EFHC2: variants seen among roughly 807,000 people sequenced by gnomAD.
The protein encoded by EFHC2 is EF-hand domain-containing family member C2.
EFHC2 carries 18 observed loss-of-function variants against 52.7 expected under a neutral mutation model. That is an observed-to-expected ratio of 0.34 (90% confidence interval 0.24 to 0.51). The LOEUF is 0.51. EFHC2 is among the 20% of genes least tolerant of loss of function. EFHC2 has a pLI of 0.97. For synonymous variants in EFHC2, 203 were observed against 204.1 expected, an observed-to-expected ratio of 0.99 and a Z score of 0.04; for missense variants, 513 against 562.5, an observed-to-expected ratio of 0.91 and a Z score of 0.89.
intron 1 of EFHC2, among the ~76,000 whole-genome samples, chrX:44,316,743 G>A (rs956487844): frequency 2.7e-5 from 3 of 111,478 alleles, no homozygotes; most frequent in Non-Finnish European, 5.6e-5. Flanking sequence ...TCATATAAGG[G>A]TCTATTATAT....
At chrX:44,277,103 C>T (rs752813939) in intron 2 of EFHC2, among the ~76,000 whole-genome samples, 3 of 109,728 alleles carry the variant, frequency 2.7e-5, no homozygotes, top group African/African-American at 1.0e-4. Flanking sequence ...ACTAAAAATA[C>T]AAAAAATTAG....
At chrX:44,169,117 G>T (rs1282763279) in intron 13 of EFHC2, among the ~76,000 whole-genome samples, 1 of 111,444 alleles carries the variant, frequency 9.0e-6, no homozygotes, top group Non-Finnish European at 1.9e-5. Context: ...TGAAAAACGT[G>T]CTCTTGGAAT....
At chrX:44,204,963 T>A (rs2037036015) in intron 11 of EFHC2, among the ~76,000 whole-genome samples, 1 of 110,530 alleles carries the variant, frequency 9.0e-6, no homozygotes, top group Admixed American at 9.6e-5. Context: ...TAAGGAAAAA[T>A]TTTAAAAGCA....
chrX:44,234,733 G>T (rs1377573948), intron 9 of EFHC2, among the ~76,000 whole-genome samples: 1 of 111,771 alleles, frequency 8.9e-6, no homozygotes, highest in Non-Finnish European at 1.9e-5. Context: ...GCCATGATTG[G>T]GCAAGTCAAT....
At chrX:44,278,471 G>A (rs1019657736) in intron 2 of EFHC2, among the ~76,000 whole-genome samples, 1 of 112,105 alleles carries the variant, frequency 8.9e-6, no homozygotes, top group South Asian at 3.7e-4. Flanking sequence ...AGCTACTGAT[G>A]GGGTTCAGGA....
chrX:44,169,574 C>G (rs1291346445), intron 13 of EFHC2, among the ~76,000 whole-genome samples: 1 of 110,904 alleles, frequency 9.0e-6, no homozygotes, highest in Non-Finnish European at 1.9e-5. Flanking sequence ...CCACACCTGG[C>G]CTTAAAATCT....
chrX:44,220,733 G>T (rs1886352573), intron 11 of EFHC2, among the ~76,000 whole-genome samples: 1 of 111,727 alleles, frequency 9.0e-6, no homozygotes, highest in East Asian at 2.8e-4. Flanking sequence ...CCCTATTGTT[G>T]GGCATTTTAT....
chrX:44,340,037 C>T (rs762056935), intron 1 of EFHC2, among the ~76,000 whole-genome samples: 65 of 111,023 alleles, frequency 5.9e-4, no homozygotes, highest in Non-Finnish European at 9.6e-4. Context: ...TACACACATG[C>T]ACGCACACAC....
intron 4 of EFHC2, among the ~76,000 whole-genome samples, chrX:44,257,877 T>G (rs1347169056): frequency 1.3e-4 from 15 of 111,824 alleles, no homozygotes; most frequent in African/African-American, 4.2e-4. Context: ...CTACCTGACT[T>G]CAAACTATAC....
intron 8 of EFHC2, among the ~76,000 whole-genome samples, chrX:44,240,432 T>A (rs2147328580): frequency 8.9e-6 from 1 of 112,090 alleles, no homozygotes; most frequent in Non-Finnish European, 1.9e-5. Context: ...AGGGACTAAG[T>A]CAACTACTCA....
At chrX:44,178,129 T>TAACA in intron 12 of EFHC2, among the ~76,000 whole-genome samples, 1 of 83,953 alleles carries the variant, frequency 1.2e-5, no homozygotes, top group African/African-American at 4.7e-5. Context: ...AGATGCCATA[T>TAACA]CACACACACA....
intron 14 of EFHC2, among the ~76,000 whole-genome samples, chrX:44,151,983 A>C (rs1012501212): frequency 8.0e-5 from 9 of 112,028 alleles, no homozygotes; most frequent in South Asian, 3.7e-4. Context: ...TATATGAAAT[A>C]TAACATTGTC....
Position 44,248,405 on chromosome X carries a change from T to A in EFHC2, c.978A>T (p.Gly326=). ...CTTTGTAAAACTCTTGGTCTACTTTTCCTAGCTAAAAAAGACAAAGGAACA... is the reference window on the plus strand; with the variant it reads ...CTTTGTAAAACTCTTGGTCTACTTTACCTAGCTAAAAAAGACAAAGGAACA... The part of the protein sequence containing the change: ...DGYLFDRYKL[G]KVDQEFYKDS... Residue 326 remains glycine, a synonymous_variant, in exon 7 of 15, where the codon GGA becomes GGT. Transcript: ENST00000420999. The A allele has an allele frequency of 1.7e-6, 2 of 1,189,513 alleles. No homozygotes were observed. Among genetic ancestry groups the A allele is most frequent in the Non-Finnish European group, 2.3e-6 (2 of 883,762 alleles).
At chrX:44,171,669 G>T (rs952456779) in intron 13 of EFHC2, among the ~76,000 whole-genome samples, 11 of 111,839 alleles carry the variant, frequency 9.8e-5, no homozygotes, top group African/African-American at 3.3e-4. Context: ...CAGATCTCTG[G>T]TGAGGTGGGT....
intron 1 of EFHC2, among the ~76,000 whole-genome samples, chrX:44,335,856 C>A (rs925981326): frequency 1.8e-5 from 2 of 111,566 alleles, no homozygotes; most frequent in Non-Finnish European, 3.8e-5. Flanking sequence ...TATTTACAGA[C>A]CATACATTCA....
intron 11 of EFHC2, among the ~76,000 whole-genome samples, chrX:44,190,119 C>T (rs1405097058): frequency 9.0e-6 from 1 of 111,509 alleles, no homozygotes; most frequent in Non-Finnish European, 1.9e-5. Context: ...TTGGTCCTTT[C>T]CTTTCAGCAT....
intron 2 of EFHC2, among the ~76,000 whole-genome samples, chrX:44,311,959 C>T (rs1350669637): frequency 8.9e-6 from 1 of 112,187 alleles, no homozygotes; most frequent in East Asian, 2.8e-4. Context: ...TTATCCTGTC[C>T]AGTGAAGGAG....
intron 10 of EFHC2, 85 bp downstream of exon 10, chrX:44,232,396 T>A: frequency 2.7e-6 from 2 of 732,343 alleles, no homozygotes; most frequent in Non-Finnish European, 3.7e-6. Context: ...GGTGGCAAGA[T>A]GAAGAAGAAA....
chrX:44,169,748 C>T (rs868287457), intron 13 of EFHC2, among the ~76,000 whole-genome samples: 5 of 105,267 alleles, frequency 4.7e-5, no homozygotes, highest in Non-Finnish European at 9.9e-5. Flanking sequence ...CACACACATA[C>T]ACACTCTCTC....
Sources: gnomAD v4.1 joint callset for allele counts (sites outside exome capture counted in the v4.1 genomes callset) on GRCh38, gnomAD v4.1.1 for gene constraint, MANE v1.5 for transcripts, NCBI Gene and HGNC (gene_info 2026-07-23, HGNC 2026-07-21) for gene names.